Variants in HPSE2 observed in about 807,000 individuals in gnomAD.
HPSE2 encodes heparanase 2 (inactive).
HPSE2 carries 38 observed loss-of-function variants against 60.5 expected under a neutral mutation model. The observed-to-expected ratio is 0.63, with a 90% CI of 0.48 to 0.82. The LOEUF (loss-of-function observed/expected upper bound fraction) is 0.82. HPSE2 is among the 40% of genes least tolerant of loss of function. HPSE2 has a pLI of 0.00. For missense variants in HPSE2, 713 were observed against 740.4 expected (o/e 0.96, Z 0.43); for synonymous variants, 295 against 293.2 (o/e 1.01, Z -0.06).
At chr10:99,287,307 T>C in the HPSE2 span, among the ~76,000 whole-genome samples, 13 of 151,852 alleles carry the variant, frequency 8.6e-5, no homozygotes, top group African/African-American at 3.1e-4. Context: ...GTATGACAAT[T>C]GTGAAAGAAG....
chr10:99,246,448 A>C, the HPSE2 span, among the ~76,000 whole-genome samples: 3 of 152,230 alleles, frequency 2.0e-5, no homozygotes, highest in Non-Finnish European at 4.4e-5. Context: ...AGGGATTATG[A>C]CTTAAAATCA....
At chr10:99,299,100 G>T in the HPSE2 span, among the ~76,000 whole-genome samples, 1 of 151,982 alleles carries the variant, frequency 6.6e-6, no homozygotes, top group Non-Finnish European at 1.5e-5. Context: ...CCTCCTAGTT[G>T]CTCCCCATAG....
At chr10:99,121,685 T>G (rs897477932) in intron 3 of HPSE2, among the ~76,000 whole-genome samples, 2 of 152,192 alleles carry the variant, frequency 1.3e-5, no homozygotes, top group Non-Finnish European at 2.9e-5. Flanking sequence ...AGACAAGATT[T>G]ATGAGCTCTC....
intron 6 of HPSE2, among the ~76,000 whole-genome samples, chr10:98,659,668 G>A (rs1947172299): frequency 6.6e-6 from 1 of 152,064 alleles, no homozygotes; most frequent in Non-Finnish European, 1.5e-5. Flanking sequence ...CAATTCTTTG[G>A]AGCATACACA....
chr10:98,511,600 G>GTGTT (rs1942407145), intron 9 of HPSE2, among the ~76,000 whole-genome samples: 1 of 141,620 alleles, frequency 7.1e-6, no homozygotes, highest in East Asian at 2.2e-4. Context: ...GTGTGTGTTT[G>GTGTT]TGTGTGTGTG....
intron 3 of HPSE2, among the ~76,000 whole-genome samples, chr10:99,142,171 G>C (rs556481976): frequency 8.5e-5 from 13 of 152,264 alleles, no homozygotes; most frequent in African/African-American, 2.9e-4. Flanking sequence ...CTTCATTTGA[G>C]AGGTCCCTGC....
At chr10:99,132,223 G>GAA (rs1564833156) in intron 3 of HPSE2, among the ~76,000 whole-genome samples, 10 of 25,076 alleles carry the variant, frequency 4.0e-4, no homozygotes, top group African/African-American at 5.9e-4. Context: ...GAGAGAGAGA[G>GAA]AGAGAGAGAG....
At chr10:98,637,533 T>C (rs953248856) in intron 7 of HPSE2, among the ~76,000 whole-genome samples, 2 of 152,164 alleles carry the variant, frequency 1.3e-5, no homozygotes, top group South Asian at 4.1e-4. Flanking sequence ...GAGAATAGTA[T>C]CCTTAGCATC....
intron 4 of HPSE2, among the ~76,000 whole-genome samples, chr10:98,726,642 A>G (rs1024206323): frequency 2.3e-4 from 34 of 147,010 alleles, no homozygotes; most frequent in African/African-American, 8.4e-4. Context: ...TAATAATAAT[A>G]ATAATAATAA....
At chr10:99,172,548 A>G (rs1490551938) in intron 2 of HPSE2, among the ~76,000 whole-genome samples, 1 of 152,246 alleles carries the variant, frequency 6.6e-6, no homozygotes, top group African/African-American at 2.4e-5. Flanking sequence ...AGGAGCTCAC[A>G]GCCTACTGTG....
At chr10:98,953,943 A>C (rs1955439008) in intron 3 of HPSE2, among the ~76,000 whole-genome samples, 1 of 152,226 alleles carries the variant, frequency 6.6e-6, no homozygotes, top group Non-Finnish European at 1.5e-5. Context: ...TTATACTACC[A>C]AATCTATAAT....
intron 9 of HPSE2, among the ~76,000 whole-genome samples, chr10:98,495,810 TC>T (rs773423625): frequency 5.9e-5 from 9 of 152,332 alleles, no homozygotes; most frequent in South Asian, 2.1e-4. Flanking sequence ...TCATTTAACG[TC>T]TTCAAGAGAA....
intron 5 of HPSE2, among the ~76,000 whole-genome samples, chr10:98,697,434 A>C (rs967079891): frequency 9.2e-5 from 14 of 152,206 alleles, no homozygotes; most frequent in African/African-American, 3.1e-4. Context: ...TTGCTGAAAT[A>C]AGGCATGCAG....
intron 7 of HPSE2, among the ~76,000 whole-genome samples, chr10:98,622,433 C>G (rs141740982): frequency 6.6e-6 from 1 of 152,124 alleles, no homozygotes; most frequent in African/African-American, 2.4e-5. Context: ...AGGAGTATTA[C>G]GTTAATTTAA....
At chr10:98,650,469 T>A (rs1946886591) in intron 6 of HPSE2, among the ~76,000 whole-genome samples, 1 of 152,252 alleles carries the variant, frequency 6.6e-6, no homozygotes, top group Non-Finnish European at 1.5e-5. Context: ...AGAAGAGGTT[T>A]TCCTTTGAGA....
the HPSE2 span, among the ~76,000 whole-genome samples, chr10:99,284,879 T>G: frequency 7.9e-5 from 12 of 151,896 alleles, no homozygotes. Context: ...CCATGGAAAA[T>G]TAAAAACATT....
In HPSE2 at chr10:99,094,616, G is replaced by A. The variant is rs186240096; in HGVS notation, c.610+49622C>T. Among the ~76,000 whole-genome samples the A allele has an allele frequency of 8.3e-3, 1,057 of 126,992 alleles. 5 individuals carry two copies. Among genetic ancestry groups the A allele is most frequent in the Middle Eastern group, 0.016 (3 of 182 alleles). 83.3% of individuals were successfully genotyped at this position (126,992 alleles called of 152,430 possible). On this transcript the variant is annotated intron_variant, in intron 3 of 11. Transcript: ENST00000370552. The stretch of plus-strand genomic sequence containing the variant: ...CTGTGGCCCAGGCTGGAGTGCAGTG[G>A]TGCCATCTTGGCTCTCTGCAACCTC...
chr10:99,256,701 T>C, the HPSE2 span, among the ~76,000 whole-genome samples: 1 of 152,194 alleles, frequency 6.6e-6, no homozygotes, highest in African/African-American at 2.4e-5. Flanking sequence ...AATGTCTTTA[T>C]AGAAAATCTG....
At chr10:99,212,085 C>T (rs912913838) in intron 2 of HPSE2, among the ~76,000 whole-genome samples, 7 of 152,068 alleles carry the variant, frequency 4.6e-5, no homozygotes, top group Non-Finnish European at 8.8e-5. Flanking sequence ...AAATGTTCAA[C>T]GTCACTGATT....
Sources: allele counts gnomAD v4.1 joint callset (sites outside exome capture counted in the v4.1 genomes callset), GRCh38; gene constraint gnomAD v4.1.1; transcripts MANE v1.5; gene names NCBI Gene and HGNC (gene_info 2026-07-23, HGNC 2026-07-21).